Variants in SOX5 observed in about 807,000 individuals in gnomAD.
The protein encoded by SOX5 is transcription factor SOX-5.
Under a neutral mutation model 92.0 loss-of-function variants are expected in SOX5, and 9 were observed. That is an observed-to-expected ratio of 0.10 (90% CI 0.06 to 0.17). The LOEUF is 0.17. Ranked by LOEUF, SOX5 falls within the 10% of genes least tolerant of loss-of-function variation. The pLI, the probability that SOX5 is intolerant of heterozygous loss-of-function variation, is 1.00. For synonymous variants in SOX5, 344 were observed against 336.3 expected (o/e 1.02, Z -0.25); for missense variants, 642 against 944.5 (o/e 0.68, Z 4.20).
chr12:23,949,722 C>T, upstream of SOX5: 2 of 1,230,272 alleles, frequency 1.6e-6, no homozygotes, highest in Non-Finnish European at 2.2e-6. Flanking sequence ...TTCCCCCCCT[C>T]CCTCCCTCCC....
chr12:24,099,575 G>T (rs1409807972), intron 4 of SOX5, among the ~76,000 whole-genome samples: 2 of 152,122 alleles, frequency 1.3e-5, no homozygotes, highest in Non-Finnish European at 2.9e-5. Flanking sequence ...GTGAGTCCAG[G>T]AGGGTGACTT....
Position 23,570,924 on chromosome 12 carries a change from AAAAAAAATATATATATATATATAT to A in SOX5, c.1342+4713_1342+4736del, listed in dbSNP as rs1265263959. Among the ~76,000 whole-genome samples, 83 of 42,552 alleles carry A rather than the reference AAAAAAAATATATATATATATATAT, an allele frequency of 2.0e-3. 4 individuals carry two copies. Among genetic ancestry groups the A allele is most frequent in the East Asian group, 0.011 (17 of 1,568 alleles). The allele number at this position is 42,552 out of a possible 152,430, so 27.9% of individuals were successfully genotyped here. On this transcript the variant is annotated intron_variant, in intron 10 of 14. Coordinates refer to ENST00000451604, the MANE Select transcript of SOX5 (RefSeq NM_006940.6). ...AGACTCCAACTCAAAAAAAAAAAAA[AAAAAAAATATATATATATATATAT>A]ATATATATATATATATATATATATA...
intron 4 of SOX5, among the ~76,000 whole-genome samples, chr12:23,751,040 G>C (rs1047308452): frequency 5.3e-5 from 8 of 151,928 alleles, no homozygotes; most frequent in African/African-American, 1.9e-4. Context: ...TTGTGAAATA[G>C]TTTTTACAAA....
At chr12:23,966,835 A>G (rs780757785) in intron 4 of SOX5, among the ~76,000 whole-genome samples, 1 of 152,192 alleles carries the variant, frequency 6.6e-6, no homozygotes, top group Non-Finnish European at 1.5e-5. Context: ...CAGTTATTAG[A>G]GCCAATAGTG....
At chr12:23,992,394 A>T (rs574624364) in intron 4 of SOX5, among the ~76,000 whole-genome samples, 1 of 152,166 alleles carries the variant, frequency 6.6e-6, no homozygotes, top group African/African-American at 2.4e-5. Context: ...ATATTATTTC[A>T]AAGTCAAATT....
intron 4 of SOX5, among the ~76,000 whole-genome samples, chr12:24,015,584 A>G (rs1413871743): frequency 6.6e-6 from 1 of 152,154 alleles, no homozygotes; most frequent in Non-Finnish European, 1.5e-5. Context: ...CCACATAATG[A>G]TCTCCATTGC....
At chr12:23,762,971 A>G (rs922327851) in intron 3 of SOX5, among the ~76,000 whole-genome samples, 2 of 152,196 alleles carry the variant, frequency 1.3e-5, no homozygotes, top group African/African-American at 4.8e-5. Flanking sequence ...ATTTTCTTAT[A>G]TAGACTACAA....
intron 1 of SOX5, among the ~76,000 whole-genome samples, chr12:24,451,484 C>T (rs749273732): frequency 1.1e-4 from 16 of 152,050 alleles, no homozygotes; most frequent in Admixed American, 3.9e-4. Context: ...TTTGGGTAGA[C>T]GTAATTTTAA....
chr12:24,172,346 A>C (rs7311542), intron 4 of SOX5, among the ~76,000 whole-genome samples: 142,113 of 151,908 alleles, frequency 0.94, 66,588 homozygotes, highest in East Asian at 1. Context: ...AGACCAGCCT[A>C]GGCAACATGG....
intron 1 of SOX5, among the ~76,000 whole-genome samples, chr12:24,477,923 GT>G (rs1347953796): frequency 2.6e-5 from 4 of 152,042 alleles, no homozygotes; most frequent in Non-Finnish European, 5.9e-5. Context: ...GCAGCTACCA[GT>G]TAATAAAATA....
At chr12:24,225,942 G>A (rs543375186) in intron 3 of SOX5, among the ~76,000 whole-genome samples, 5 of 152,114 alleles carry the variant, frequency 3.3e-5, no homozygotes, top group African/African-American at 7.2e-5. Flanking sequence ...TCAAAGAAAC[G>A]TAAAGTTTAA....
chr12:24,262,564 T>C (rs1266851471), intron 3 of SOX5, among the ~76,000 whole-genome samples: 1 of 152,170 alleles, frequency 6.6e-6, no homozygotes, highest in Admixed American at 6.5e-5. Flanking sequence ...ATTAAACTCA[T>C]AGCAAGGTGA....
intron 6 of SOX5, among the ~76,000 whole-genome samples, chr12:23,715,182 C>T (rs1297742574): frequency 6.6e-6 from 1 of 151,904 alleles, no homozygotes; most frequent in East Asian, 1.9e-4. Flanking sequence ...GCCTGTAGTC[C>T]CAGCTACTAG....
intron 6 of SOX5, among the ~76,000 whole-genome samples, chr12:23,686,806 A>G (rs1262423528): frequency 6.6e-6 from 1 of 152,074 alleles, no homozygotes; most frequent in Non-Finnish European, 1.5e-5. Context: ...AAAATATGTG[A>G]AAATAGATAT....
chr12:23,772,464 T>C (rs900575653), intron 3 of SOX5, among the ~76,000 whole-genome samples: 6 of 152,210 alleles, frequency 3.9e-5, no homozygotes, highest in South Asian at 4.1e-4. Context: ...CTGTAAATAT[T>C]TGAAATACGT....
In SOX5 at chr12:24,044,655, A is replaced by C. The variant is rs575381878; in HGVS notation, c.-1-148631T>G. On this transcript the variant is annotated intron_variant, in intron 4 of 4. Transcript: ENST00000446891. ...AAATTCCTGGCTATCTCCAAATATA[A>C]ATTAGTGTTTGTCTTTGAGAATGTC... 6.6e-5 allele frequency among the ~76,000 whole-genome samples: 10 copies of C among 152,250 alleles called. No homozygotes were observed. The East Asian group carries it at 1.9e-3, about 29-fold the overall frequency.
At chr12:23,645,970 T>C (rs11047020) in intron 7 of SOX5, among the ~76,000 whole-genome samples, 49,982 of 151,974 alleles carry the variant, frequency 0.33, 9,056 homozygotes, top group African/African-American at 0.49. Context: ...TATAGTCTAT[T>C]AAGTGTGCAA....
intron 4 of SOX5, among the ~76,000 whole-genome samples, chr12:24,104,690 G>A (rs1946475283): frequency 6.6e-6 from 1 of 152,040 alleles, no homozygotes; most frequent in Non-Finnish European, 1.5e-5. Flanking sequence ...GCCATTTCTG[G>A]CCCCAGCAAC....
chr12:24,112,202 G>A (rs1342628377), intron 4 of SOX5, among the ~76,000 whole-genome samples: 1 of 152,220 alleles, frequency 6.6e-6, no homozygotes, highest in Non-Finnish European at 1.5e-5. Context: ...AGTGAAACTG[G>A]AAAGTTTGAG....
Sources: gnomAD v4.1 joint callset for allele counts (sites outside exome capture counted in the v4.1 genomes callset) on GRCh38, gnomAD v4.1.1 for gene constraint, MANE v1.5 for transcripts, NCBI Gene and HGNC (gene_info 2026-07-23, HGNC 2026-07-21) for gene names.